DOK7: variants seen among roughly 807,000 people sequenced by gnomAD.
The protein encoded by DOK7 is docking protein 7.
A neutral mutation model predicts 30.7 loss-of-function variants in DOK7; 32 were observed. That is an observed-to-expected ratio of 1.04 (90% CI 0.79 to 1.40). DOK7 has a LOEUF of 1.40. Ranked by LOEUF, DOK7 falls within the 40% of genes most tolerant of loss-of-function variation. The pLI, the probability that DOK7 is intolerant of heterozygous loss-of-function variation, is 0.00. For missense variants in DOK7, 1,007 were observed against 699.2 expected (o/e 1.44, Z -4.97); for synonymous variants, 447 against 324.1 (o/e 1.38, Z -4.07).
At chr4:3,465,216 G>C (rs1030747098) in intron 2 of DOK7, among the ~76,000 whole-genome samples, 3 of 152,176 alleles carry the variant, frequency 2.0e-5, no homozygotes, top group Non-Finnish European at 4.4e-5. Flanking sequence ...GGATGGGACA[G>C]AGCGGAGTTC....
At chr4:3,492,302 C>T (rs1728521546) in intron 6 of DOK7, among the ~76,000 whole-genome samples, 1 of 151,818 alleles carries the variant, frequency 6.6e-6, no homozygotes, top group African/African-American at 2.4e-5. Context: ...GCCTCGTGTC[C>T]AGGCTGGCAG....
intron 3 of DOK7, 120 bp from the exon 4 acceptor site, chr4:3,476,221 GC>G (rs1727060563): frequency 9.0e-6 from 3 of 333,818 alleles, no homozygotes; most frequent in Admixed American, 4.7e-5. Context: ...ATGCCCTCTC[GC>G]CCCGCCTGCC....
exon 8 of DOK7, chr4:3,501,429 C>T (rs1162483819): frequency 6.5e-6 from 1 of 153,196 alleles, no homozygotes; most frequent in Non-Finnish European, 1.5e-5. Flanking sequence ...CTCTCCCAGC[C>T]ACCTGACCGC....
chr4:3,468,008 A>G (rs1390255590), intron 2 of DOK7, among the ~76,000 whole-genome samples: 4 of 152,310 alleles, frequency 2.6e-5, no homozygotes, highest in Admixed American at 2.6e-4. Flanking sequence ...GGGGGTGAAG[A>G]TTTCAACACT....
At chr4:3,479,756 G>A (rs1043623126) in intron 4 of DOK7, among the ~76,000 whole-genome samples, 2 of 152,244 alleles carry the variant, frequency 1.3e-5, no homozygotes, top group Non-Finnish European at 2.9e-5. Flanking sequence ...TTGGTGCCTG[G>A]GGGGCAGAGG....
At chr4:3,478,229 A>G (rs1207099216) in intron 4 of DOK7, among the ~76,000 whole-genome samples, 15 of 152,040 alleles carry the variant, frequency 9.9e-5, no homozygotes, top group Non-Finnish European at 1.9e-4. Context: ...AGACCTGCTT[A>G]TTTTGTCTGG....
chr4:3,492,477 C>T (rs1183962505), intron 6 of DOK7, among the ~76,000 whole-genome samples: 24 of 111,766 alleles, frequency 2.1e-4, no homozygotes, highest in South Asian at 9.5e-4. Context: ...GGGGAGGAGG[C>T]GGGGACCAAG....
Position 3,493,506 on chromosome 4 carries a change from C to A in DOK7, c.*5C>A, listed in dbSNP as rs764358668. On this transcript the variant is annotated 3_prime_UTR_variant, in exon 7 of 7. Transcript: ENST00000340083. Reference sequence around the variant, plus strand: ...AAGGTAAACCCCCCTCCTTGAGAGCCGCAGATCCCGCCCCGCGGCTGCAAA... The same window carrying A: ...AAGGTAAACCCCCCTCCTTGAGAGCAGCAGATCCCGCCCCGCGGCTGCAAA... 3.7e-6 allele frequency: 6 copies of A among 1,610,338 alleles called. No homozygotes were observed. Among genetic ancestry groups the A allele is most frequent in the Middle Eastern group, 1.7e-4 (1 of 5,984 alleles).
downstream of DOK7, chr4:3,496,873 G>T: frequency 6.5e-7 from 1 of 1,534,952 alleles, no homozygotes; most frequent in Non-Finnish European, 8.7e-7. Context: ...GTAGGCACCT[G>T]GAGCCAGTCC....
rs1248723352 is a variant in DOK7 at position 3,493,875 on chromosome 4, C to A, written c.*374C>A. The A allele has an allele frequency of 9.0e-7, 1 of 1,115,570 alleles. No individual in the cohort carries two copies. Among genetic ancestry groups the A allele is most frequent in the African/African-American group, 1.7e-5 (1 of 60,560 alleles). The allele number at this position is 1,115,570 out of a possible 1,614,324, so 69.1% of individuals were successfully genotyped here. On this transcript the variant is annotated 3_prime_UTR_variant, in exon 7 of 7. Coordinates refer to ENST00000340083, the MANE Select transcript of DOK7 (RefSeq NM_173660.5). ...TGCCGCTGGCCTTGTCCTCCTTGGG[C>A]CTCACGCCCCCTTCGGGGGTGGCCG...
chr4:3,476,958 C>T (rs1161969784), intron 4 of DOK7, among the ~76,000 whole-genome samples: 3 of 152,242 alleles, frequency 2.0e-5, no homozygotes, highest in Non-Finnish European at 4.4e-5. Context: ...GTGGACATGC[C>T]AGCCACCCCG....
chr4:3,487,318 G>A (rs942933031), intron 5 of DOK7, among the ~76,000 whole-genome samples: 1 of 152,236 alleles, frequency 6.6e-6, no homozygotes, highest in Admixed American at 6.5e-5. Flanking sequence ...GGAGGGTCTG[G>A]GCTGATGGGT....
In DOK7 at chr4:3,493,682, T is replaced by G. The variant is rs1728706092; in HGVS notation, c.*181T>G. On this transcript the variant is annotated 3_prime_UTR_variant, in exon 7 of 7. Coordinates refer to ENST00000340083, the MANE Select transcript of DOK7 (RefSeq NM_173660.5). ...CTGCCACCGGAGGAAGGGGCTGACTTGGGGAGGTGAGTTCTGGAAGGCAGG... is the reference window on the plus strand; with the variant it reads ...CTGCCACCGGAGGAAGGGGCTGACTGGGGGAGGTGAGTTCTGGAAGGCAGG... The G allele has an allele frequency of 2.8e-6, 4 of 1,445,468 alleles. No homozygotes were observed. The highest frequency in any genetic ancestry group is 9.1e-7 in the Non-Finnish European group (1 of 1,100,110). The allele number at this position is 1,445,468 out of a possible 1,614,324, so 89.5% of individuals were successfully genotyped here.
chr4:3,489,693 ACCCTCGACTGTGGAGGAGCGTGTGG>A lies in DOK7; in HGVS notation c.673_697del (p.Ser225ArgfsTer13). On this transcript the variant is annotated frameshift_variant, in exon 6 of 7. Transcript: ENST00000340083. LOFTEE classifies it high-confidence loss of function. ...CTGCCACAGACCCAAGTCCCCCGGG[ACCCTCGACTGTGGAGGAGCGTGTGG>A]CCCAGGAAGCCCTGGAAACCCTACA... 1 of 1,564,278 alleles carries A rather than the reference ACCCTCGACTGTGGAGGAGCGTGTGG, an allele frequency of 6.4e-7. No individual in the cohort carries two copies. The highest frequency in any genetic ancestry group is 8.7e-7 in the Non-Finnish European group (1 of 1,154,702).
rs1728782457 is a variant in DOK7 at position 3,494,460 on chromosome 4, G to A, written c.*959G>A. 11 of 985,374 alleles carry A rather than the reference G, an allele frequency of 1.1e-5. No individual in the cohort carries two copies. In the South Asian group the frequency reaches 5.2e-4, roughly 46 times the overall value. The allele number at this position is 985,374 out of a possible 1,614,324, so 61.0% of individuals were successfully genotyped here. ...ACCCAGACACTGTTTGTAATAGACT[G>A]GAAATAAAATGTTCTTTCCTTACCA... On this transcript the variant is annotated 3_prime_UTR_variant, in exon 7 of 7. Coordinates refer to ENST00000340083, the MANE Select transcript of DOK7 (RefSeq NM_173660.5).
At chr4:3,472,963 G>GT (rs1373598306) in intron 2 of DOK7, among the ~76,000 whole-genome samples, 3 of 152,234 alleles carry the variant, frequency 2.0e-5, no homozygotes, top group Non-Finnish European at 4.4e-5. Context: ...GGGCACAGGT[G>GT]TGGCTGGCAG....
rs1391026381 is a variant in DOK7, at chr4:3,493,024, C to T, written c.1038C>T (p.Ser346=). ...GCGGCATCGCCACTGGCAGCCACTCCTCTTACTCCAGCAGCCTCTCGTCCT... is the reference window on the plus strand; with the variant it reads ...GCGGCATCGCCACTGGCAGCCACTCTTCTTACTCCAGCAGCCTCTCGTCCT... ...SDSGIATGSH[S]SYSSSLSSYA... is the part of the protein sequence containing the mutation. The change falls in exon 7 of 7, where the codon TCC becomes TCT. Residue 346 remains serine, a synonymous_variant. Coordinates refer to ENST00000340083, the MANE Select transcript of DOK7 (RefSeq NM_173660.5). 10 of 1,569,750 alleles carry T rather than the reference C, an allele frequency of 6.4e-6. No homozygotes were observed. Among genetic ancestry groups the T allele is most frequent in the South Asian group, 1.1e-5 (1 of 86,974 alleles).
At chr4:3,463,470 G>A (rs1400181068) in intron 1 of DOK7, 36 bp from the exon 2 acceptor site, 3 of 1,425,018 alleles carry the variant, frequency 2.1e-6, no homozygotes, top group Non-Finnish European at 2.7e-6. Context: ...GGGCGCGGGC[G>A]CGGGCGGCGG....
intron 4 of DOK7, among the ~76,000 whole-genome samples, chr4:3,485,082 G>A (rs1161052437): frequency 6.6e-6 from 1 of 152,190 alleles, no homozygotes; most frequent in African/African-American, 2.4e-5. Flanking sequence ...CCTTGGGGCA[G>A]AGGAGGGACT....
Sources: gnomAD v4.1 joint callset for allele counts (sites outside exome capture counted in the v4.1 genomes callset) on GRCh38, gnomAD v4.1.1 for gene constraint, MANE v1.5 for transcripts, NCBI Gene and HGNC (gene_info 2026-07-23, HGNC 2026-07-21) for gene names.